The following ADCY3 variants were observed in gnomAD, a reference collection of about 807,000 sequenced individuals.
The protein encoded by ADCY3 is adenylate cyclase 3.
In ADCY3, 70 loss-of-function variants were observed where a neutral mutation model predicts 119.4. That is an observed-to-expected ratio of 0.59 (90% CI 0.48 to 0.72). ADCY3 has a LOEUF of 0.72. ADCY3 is among the 30% of genes least tolerant of loss of function. The pLI is 0.00. For missense variants in ADCY3, 1,238 were observed against 1,541.6 expected, an observed-to-expected ratio of 0.80 and a Z score of 3.30; for synonymous variants, 672 against 621.4, an observed-to-expected ratio of 1.08 and a Z score of -1.21.
At chr2:24,912,549 G>A (rs538734742) in intron 2 of ADCY3, among the ~76,000 whole-genome samples, 83 of 148,008 alleles carry the variant, frequency 5.6e-4, no homozygotes, top group Middle Eastern at 3.2e-3. Context: ...GAGTGAGCAC[G>A]CATGTGTGTG....
chr2:24,838,318 C>A, intron 8 of ADCY3, 127 bp downstream of exon 8: 1 of 969,312 alleles, frequency 1.0e-6, no homozygotes. Flanking sequence ...CTGCCACTCA[C>A]CTCTCACAGC....
At chr2:24,879,279 T>C (rs1027660520) in intron 2 of ADCY3, among the ~76,000 whole-genome samples, 4 of 151,934 alleles carry the variant, frequency 2.6e-5, no homozygotes, top group African/African-American at 9.7e-5. Flanking sequence ...GAGACCATCC[T>C]GGCTAACATG....
chr2:24,893,368 C>T (rs1460237349), intron 2 of ADCY3, among the ~76,000 whole-genome samples: 1 of 129,440 alleles, frequency 7.7e-6, no homozygotes, highest in African/African-American at 4.8e-5. Context: ...GAGAAAATTT[C>T]TTTTTGTAGA....
chr2:24,905,551 A>G (rs763286367), intron 2 of ADCY3, among the ~76,000 whole-genome samples: 49 of 152,108 alleles, frequency 3.2e-4, no homozygotes, highest in Admixed American at 7.9e-4. Flanking sequence ...TAGGGTGGAT[A>G]GGGCCAAGCG....
At chr2:24,846,619 C>T (rs1337889284) in intron 3 of ADCY3, among the ~76,000 whole-genome samples, 3 of 151,620 alleles carry the variant, frequency 2.0e-5, no homozygotes, top group Non-Finnish European at 4.4e-5. Context: ...GCTCTTGTCC[C>T]CCAGGCTGGA....
At chr2:24,829,809 G>A (rs1365035294) in intron 13 of ADCY3, among the ~76,000 whole-genome samples, 1 of 151,452 alleles carries the variant, frequency 6.6e-6, no homozygotes, top group Non-Finnish European at 1.5e-5. Context: ...ACAATTAGAG[G>A]AGGCCGTGAC....
In ADCY3 at chr2:24,829,734, A is replaced by G. The variant is rs924237963; in HGVS notation, c.2172+975T>C. 2.7e-5 allele frequency among the ~76,000 whole-genome samples: 4 copies of G among 146,078 alleles called. 1 individual carries two copies. The highest frequency in any genetic ancestry group is 6.8e-5 in the Admixed American group (1 of 14,806). ...ACTGCGCCCGGCACCGTGTGCTCCAATTGTTAAAGTACAACAATAACATTA... is the reference window on the plus strand; with the variant it reads ...ACTGCGCCCGGCACCGTGTGCTCCAGTTGTTAAAGTACAACAATAACATTA... On this transcript the variant is annotated intron_variant, in intron 13 of 21. Transcript: ENST00000679454.
chr2:24,855,462 C>G (rs1335325471), intron 3 of ADCY3, among the ~76,000 whole-genome samples: 1 of 152,082 alleles, frequency 6.6e-6, no homozygotes, highest in African/African-American at 2.4e-5. Flanking sequence ...AAGGCTGGAC[C>G]GGAGGAGGGG....
chr2:24,908,683 C>G (rs1663200456), intron 2 of ADCY3, among the ~76,000 whole-genome samples: 1 of 152,170 alleles, frequency 6.6e-6, no homozygotes. Context: ...CCAGTTAGAA[C>G]TGTGGGAAGC....
rs148197917 is a variant in ADCY3, at chr2:24,828,119, C to A, written c.2215G>T (p.Ala739Ser). Residue 739 changes from alanine to serine, a missense_variant, in exon 14 of 22, where the codon GCA becomes TCA. This residue lies in a region of ADCY3 where 499 missense variants were observed against 571.0 expected (regional missense o/e 0.87). Transcript: ENST00000679454. Reference protein sequence around the residue: ...QYYTGPSNATAGMETEGSCLE... With the variant: ...QYYTGPSNATSGMETEGSCLE... Reference sequence around the variant, plus strand: ...CAGCTGCCCTCCGTTTCCATCCCTGCCGTTGCATTGCTGGGTCCCGTGTAG... The same window carrying A: ...CAGCTGCCCTCCGTTTCCATCCCTGACGTTGCATTGCTGGGTCCCGTGTAG... 1.2e-6 allele frequency: 2 copies of A among 1,614,100 alleles called. No homozygotes were observed. Among genetic ancestry groups the A allele is most frequent in the Non-Finnish European group, 1.7e-6 (2 of 1,180,042 alleles).
intron 2 of ADCY3, among the ~76,000 whole-genome samples, chr2:24,903,520 T>C (rs976901792): frequency 6.6e-6 from 1 of 152,118 alleles, no homozygotes; most frequent in Non-Finnish European, 1.5e-5. Context: ...CTCCACTTTC[T>C]TTTCTATAAA....
chr2:24,859,772 C>G (rs1328463690), intron 3 of ADCY3, among the ~76,000 whole-genome samples: 3 of 152,182 alleles, frequency 2.0e-5, no homozygotes, highest in African/African-American at 7.2e-5. Context: ...TGGGTTAAAG[C>G]AGAAGGAGAG....
At chr2:24,866,572 AAAAAAAAAAAAAAG>A (rs1674333045) in intron 3 of ADCY3, among the ~76,000 whole-genome samples, 1 of 149,936 alleles carries the variant, frequency 6.7e-6, no homozygotes, top group Non-Finnish European at 1.5e-5. Flanking sequence ...CTCAAAAAAA[AAAAAAAAAAAAAAG>A]AAAAAAAAAA....
At chr2:24,829,587 AT>A (rs1195592990) in intron 13 of ADCY3, among the ~76,000 whole-genome samples, 4 of 150,200 alleles carry the variant, frequency 2.7e-5, no homozygotes, top group South Asian at 2.1e-4. Context: ...CGCCCGGCTA[AT>A]TTTTTTGTAT....
At position 24,899,958 on chromosome 2, in the gene ADCY3, C is replaced by T. The variant is rs1325923370; in HGVS notation, c.675+18355G>A. The stretch of plus-strand genomic sequence containing the variant: ...CATAATATAGAAGAAAACTGATATT[C>T]GTTTAAGAGAAGCCTCAATGTTAAT... On this transcript the variant is annotated intron_variant, in intron 2 of 21. Coordinates refer to ENST00000679454, the MANE Select transcript of ADCY3 (RefSeq NM_004036.5). This position sits in a 1 kb window ranked among gnomAD's most constrained non-coding sequence, Gnocchi z 4.5. Among the ~76,000 whole-genome samples the T allele has an allele frequency of 1.3e-5, 2 of 151,944 alleles. No individual in the cohort carries two copies. The highest frequency in any genetic ancestry group is 2.4e-5 in the African/African-American group (1 of 41,362).
chr2:24,837,120 G>A, intron 8 of ADCY3, 75 bp from the exon 9 acceptor site: 1 of 1,510,380 alleles, frequency 6.6e-7, no homozygotes, highest in Non-Finnish European at 9.0e-7. Context: ...AAGTGACAAG[G>A]GCGTGGGAGG....
At chr2:24,870,538 G>A (rs1674864786) in intron 3 of ADCY3, among the ~76,000 whole-genome samples, 1 of 152,040 alleles carries the variant, frequency 6.6e-6, no homozygotes, top group African/African-American at 2.4e-5. Context: ...CCACACCTCT[G>A]CACCTCCCTT....
intron 3 of ADCY3, among the ~76,000 whole-genome samples, chr2:24,863,470 G>C (rs1248739074): frequency 6.6e-6 from 1 of 152,176 alleles, no homozygotes; most frequent in Non-Finnish European, 1.5e-5. Flanking sequence ...TTGTGATCAT[G>C]TGAGTCAAAA....
At chr2:24,840,722 TG>T (rs749436973) in intron 6 of ADCY3, 15 of 356,164 alleles carry the variant, frequency 4.2e-5, no homozygotes, top group Non-Finnish European at 7.6e-5. Flanking sequence ...CAAGCCCACT[TG>T]GAGCAGGGGC....
Sources: allele counts gnomAD v4.1 joint callset (sites outside exome capture counted in the v4.1 genomes callset), GRCh38; gene constraint gnomAD v4.1.1; regional missense constraint gnomAD v4.1.1; non-coding constraint Gnocchi (gnomAD v3.1); transcripts MANE v1.5; gene names NCBI Gene and HGNC (gene_info 2026-07-23, HGNC 2026-07-21).